The following SETD5 variants were observed in gnomAD, a reference collection of about 807,000 sequenced individuals.
The protein encoded by SETD5 is SET domain containing 5.
In SETD5, 44 loss-of-function variants were observed where a neutral mutation model predicts 153.3. That is an observed-to-expected ratio of 0.29 (90% CI 0.23 to 0.37). The LOEUF is 0.37. SETD5 is among the 10% of genes least tolerant of loss of function. SETD5 has a pLI of 1.00. For missense variants in SETD5, 1,544 were observed against 1,768.0 expected (o/e 0.87, Z 2.27); for synonymous variants, 716 against 645.2 (o/e 1.11, Z -1.66).
chr3:9,428,204 A>T (rs1220569870), intron 2 of SETD5, among the ~76,000 whole-genome samples: 2 of 152,154 alleles, frequency 1.3e-5, no homozygotes, highest in Non-Finnish European at 2.9e-5. Flanking sequence ...TTACCCCACA[A>T]ATAAAGTTGC....
chr3:9,434,655 TGA>T lies in SETD5; in HGVS notation c.330-164_330-163del. 6.8e-7 allele frequency: 1 copy of T among 1,469,336 alleles called. No individual in the cohort carries two copies. Among genetic ancestry groups the T allele is most frequent in the South Asian group, 1.4e-5 (1 of 69,102 alleles). The allele number at this position is 1,469,336 out of a possible 1,614,324, so 91.0% of individuals were successfully genotyped here. A position where few individuals can be genotyped will look rare whatever the true frequency, so the allele number is the denominator to read the frequency against. Reference sequence around the variant, plus strand: ...GGTGAGAATTGCTGACAACAAGGAATGAGAGATTGATGTTAAAGCTATTGAAT... The same window carrying T: ...GGTGAGAATTGCTGACAACAAGGAATGAGATTGATGTTAAAGCTATTGAAT... On this transcript the variant is annotated intron_variant, in intron 5 of 22. Transcript: ENST00000402198. This position sits in a 1 kb window ranked among gnomAD's most constrained non-coding sequence, Gnocchi z 5.6.
intron 7 of SETD5, chr3:9,437,012 T>C (rs1030365987): frequency 3.7e-6 from 3 of 808,438 alleles, no homozygotes; most frequent in Middle Eastern, 2.3e-4. Flanking sequence ...TTTGTAGTTG[T>C]TGCCATTCAG....
chr3:9,434,127 G>T lies in SETD5; in HGVS notation c.177+177G>T. On this transcript the variant is annotated intron_variant, in intron 4 of 22. Coordinates refer to ENST00000402198, the MANE Select transcript of SETD5 (RefSeq NM_001080517.3). The surrounding 1 kb of genome is among the most constrained non-coding windows in gnomAD (Gnocchi z 5.6). ...TCATTGTTCTTGTTTTTATGTCCCA[G>T]TTGACCTTGGCATTTTGTTTTATCA... 6.5e-7 allele frequency: 1 copy of T among 1,549,380 alleles called. No homozygotes were observed. The highest frequency in any genetic ancestry group is 1.4e-5 in the African/African-American group (1 of 73,314).
chr3:9,426,728 G>A (rs1288033907), intron 2 of SETD5, among the ~76,000 whole-genome samples: 1 of 151,930 alleles, frequency 6.6e-6, no homozygotes, highest in Non-Finnish European at 1.5e-5. Context: ...AGTAGAGACA[G>A]GATCTCGCCA....
chr3:9,417,939 T>G (rs939953086), intron 1 of SETD5, among the ~76,000 whole-genome samples: 19 of 146,304 alleles, frequency 1.3e-4, no homozygotes, highest in Non-Finnish European at 2.9e-4. Flanking sequence ...GAACAAGAGT[T>G]TTGTTTTTTT....
intron 1 of SETD5, among the ~76,000 whole-genome samples, chr3:9,401,507 T>A (rs999714280): frequency 6.6e-6 from 1 of 152,228 alleles, no homozygotes; most frequent in Non-Finnish European, 1.5e-5. Context: ...GTCCAGGAAC[T>A]GACTTTCTGA....
At chr3:9,399,507 G>T (rs543808295) in intron 1 of SETD5, among the ~76,000 whole-genome samples, 1 of 151,990 alleles carries the variant, frequency 6.6e-6, no homozygotes, top group South Asian at 2.1e-4. Flanking sequence ...ATTCTGGCCT[G>T]TTATGGGATT....
At chr3:9,436,402 C>G (rs541810367) in intron 7 of SETD5, among the ~76,000 whole-genome samples, 1 of 152,200 alleles carries the variant, frequency 6.6e-6, no homozygotes, top group African/African-American at 2.4e-5. Context: ...AAAATGTCTA[C>G]GGGAGAAACT....
chr3:9,461,772 C>A (rs1219845772), intron 17 of SETD5, among the ~76,000 whole-genome samples: 1 of 152,198 alleles, frequency 6.6e-6, no homozygotes, highest in East Asian at 1.9e-4. Context: ...CAACTAACTT[C>A]ATCACTTAAC....
intron 19 of SETD5, among the ~76,000 whole-genome samples, 196 bp from the exon 20 acceptor site, chr3:9,473,040 C>T (rs902174262): frequency 4.6e-5 from 7 of 152,116 alleles, no homozygotes; most frequent in African/African-American, 9.7e-5. Context: ...TTCCAGCTGC[C>T]TTAAATATGT....
chr3:9,429,557 CT>C (rs1210734592), intron 3 of SETD5, among the ~76,000 whole-genome samples: 2 of 151,958 alleles, frequency 1.3e-5, no homozygotes, highest in Non-Finnish European at 2.9e-5. Context: ...TGGTACCAAA[CT>C]TTTTTTTCAG....
At chr3:9,402,761 A>T (rs185995632) in intron 1 of SETD5, among the ~76,000 whole-genome samples, 1 of 152,222 alleles carries the variant, frequency 6.6e-6, no homozygotes, top group Admixed American at 6.5e-5. Flanking sequence ...AGGAATGTAT[A>T]CAAAATAGAT....
intron 18 of SETD5, among the ~76,000 whole-genome samples, chr3:9,466,303 A>G (rs910676756): frequency 9.9e-5 from 15 of 151,662 alleles, no homozygotes; most frequent in Non-Finnish European, 1.3e-4. Flanking sequence ...AAAAAAAAAA[A>G]AAAAAAGAAA....
intron 1 of SETD5, among the ~76,000 whole-genome samples, chr3:9,405,678 T>C (rs1575161483): frequency 6.6e-6 from 1 of 152,230 alleles, no homozygotes; most frequent in Non-Finnish European, 1.5e-5. Flanking sequence ...GATATTATGA[T>C]CTAGTTTGAA....
chr3:9,431,781 C>G (rs547064870), intron 3 of SETD5: 1 of 937,720 alleles, frequency 1.1e-6, no homozygotes, highest in South Asian at 4.9e-5. Context: ...ATAGCTCCAT[C>G]TCCATGGCCA....
At chr3:9,451,078 C>T (rs2042573437) in intron 16 of SETD5, among the ~76,000 whole-genome samples, 1 of 152,132 alleles carries the variant, frequency 6.6e-6, no homozygotes. Flanking sequence ...TCACCTTGTT[C>T]TCTCTAAACT....
chr3:9,410,923 C>T (rs2036477136), intron 1 of SETD5, among the ~76,000 whole-genome samples: 1 of 149,318 alleles, frequency 6.7e-6, no homozygotes, highest in African/African-American at 2.5e-5. Flanking sequence ...GAGTCTCGCT[C>T]TGTTTCGCAG....
intron 12 of SETD5, 136 bp downstream of exon 12, chr3:9,445,436 T>A (rs2041823603): frequency 9.7e-7 from 1 of 1,028,978 alleles, no homozygotes; most frequent in African/African-American, 1.6e-5. Context: ...GTTTATTGTG[T>A]TCATACATTT....
In SETD5 at chr3:9,443,452, C is replaced by T. The variant is rs185957226; in HGVS notation, c.1187+35C>T. The T allele has an allele frequency of 3.8e-3, 4,425 of 1,158,270 alleles. 7 individuals are homozygous for T. The highest frequency in any genetic ancestry group is 4.7e-3 in the Non-Finnish European group (4,150 of 874,198). The allele number at this position is 1,158,270 out of a possible 1,614,324, so 71.7% of individuals were successfully genotyped here. A position where few individuals can be genotyped will look rare whatever the true frequency, so the allele number is the denominator to read the frequency against. On this transcript the variant is annotated intron_variant, in intron 11 of 22. Coordinates refer to ENST00000402198, the MANE Select transcript of SETD5 (RefSeq NM_001080517.3). Reference sequence around the variant, plus strand: ...CAGAAACCTTTCCTAACAGGAATATCCATGTCTTACATATTAAGCTATTCA... The same window carrying T: ...CAGAAACCTTTCCTAACAGGAATATTCATGTCTTACATATTAAGCTATTCA...
Sources: gnomAD v4.1 joint callset for allele counts (sites outside exome capture counted in the v4.1 genomes callset) on GRCh38, gnomAD v4.1.1 for gene constraint, Gnocchi (gnomAD v3.1) non-coding constraint, MANE v1.5 for transcripts, NCBI Gene and HGNC (gene_info 2026-07-23, HGNC 2026-07-21) for gene names.